MORC4: variants seen among roughly 807,000 people sequenced by gnomAD.
MORC4 encodes the protein MORC family CW-type zinc finger 4.
In MORC4, 22 loss-of-function variants were observed where a neutral mutation model predicts 65.5. The ratio of observed to expected loss-of-function variants is 0.34; its 90% confidence interval spans 0.24 to 0.48. The LOEUF is 0.48. MORC4 is among the 20% of genes least tolerant of loss of function. MORC4 has a pLI of 0.99. For synonymous variants in MORC4, 267 were observed against 255.8 expected (o/e 1.04, Z -0.42); for missense variants, 624 against 703.0 (o/e 0.89, Z 1.27).
In MORC4 at chrX:106,956,500, T is replaced by C. The variant is rs1234579325; in HGVS notation, c.1489A>G (p.Met497Val). 4 of 1,207,459 alleles carry C rather than the reference T, an allele frequency of 3.3e-6. No homozygotes were observed. The highest frequency in any genetic ancestry group is 3.4e-6 in the Non-Finnish European group (3 of 892,516). ...CTCACCTGGTGGTTCTCATTTTCCA[T>C]AGGCATCTTCTTCTTCTCCTCAACA... is the stretch of plus-strand genomic sequence containing the variant. ...QTVEEKKKMPMENENHQVFSN... is the reference protein window; with the variant it reads ...QTVEEKKKMPVENENHQVFSN... The change falls in exon 13 of 17, where the codon ATG becomes GTG. Residue 497 changes from methionine to valine, a missense_variant. Met to Val is a conservative substitution (Grantham distance 21). Transcript: ENST00000355610.
At position 106,994,831 on chromosome X, in the gene MORC4, G is replaced by A. The variant is rs781647544; in HGVS notation, c.176-1469C>T. ...CTAAGGGAAAGTTTATTTCATATGA[G>A]TGGCAGCCACTTTTTTGTGTTTTTA... is the stretch of plus-strand genomic sequence containing the variant. On this transcript the variant is annotated intron_variant, in intron 2 of 16. Coordinates refer to ENST00000355610, the MANE Select transcript of MORC4 (RefSeq NM_024657.5). Among the ~76,000 whole-genome samples, 3 of 109,818 alleles carry A rather than the reference G, an allele frequency of 2.7e-5. No homozygotes were observed. The East Asian group carries it at 8.6e-4, about 31-fold the overall frequency.
intron 14 of MORC4, among the ~76,000 whole-genome samples, chrX:106,951,983 G>A (rs777245336): frequency 9.3e-5 from 7 of 75,272 alleles, no homozygotes; most frequent in South Asian, 8.6e-4. Context: ...GTGACAGAGC[G>A]AGACTCTGCC....
At chrX:106,962,527 G>C (rs1297405595) in intron 9 of MORC4, among the ~76,000 whole-genome samples, 1 of 111,459 alleles carries the variant, frequency 9.0e-6, no homozygotes, top group Non-Finnish European at 1.9e-5. Flanking sequence ...TTCAGAACAA[G>C]GTAAAAATCA....
intron 9 of MORC4, among the ~76,000 whole-genome samples, chrX:106,968,872 C>A (rs1349826243): frequency 9.0e-6 from 1 of 110,617 alleles, no homozygotes; most frequent in Non-Finnish European, 1.9e-5. Flanking sequence ...GACTCCCACA[C>A]AATAATAATG....
chrX:106,974,121 G>C (rs978828083), intron 9 of MORC4, among the ~76,000 whole-genome samples: 1 of 111,756 alleles, frequency 8.9e-6, no homozygotes, highest in Non-Finnish European at 1.9e-5. Flanking sequence ...ATTTAGGAAT[G>C]ATGGTTCTAG....
chrX:106,944,973 A>G (rs1933788482), intron 14 of MORC4, among the ~76,000 whole-genome samples: 1 of 111,341 alleles, frequency 9.0e-6, no homozygotes, highest in Admixed American at 9.6e-5. Context: ...TCTATTCAAA[A>G]TCTTTATTTA....
At chrX:106,985,306 G>A (rs1165926259) in intron 4 of MORC4, 63 bp from the exon 5 acceptor site, 13 of 877,323 alleles carry the variant, frequency 1.5e-5, no homozygotes, top group Non-Finnish European at 2.0e-5. Flanking sequence ...AGGAAGATCT[G>A]CCCTTTGGAT....
chrX:106,983,902 T>C lies in MORC4; in HGVS notation c.674+1194A>G, dbSNP rs968913577. 5.4e-5 allele frequency among the ~76,000 whole-genome samples: 6 copies of C among 111,369 alleles called. No individual in the cohort carries two copies. In the East Asian group the frequency reaches 1.4e-3, roughly 26 times the overall value. ...AAAGCACTAACACAGAACTCCTTAT[T>C]TTTTAAAGATCTTATTGTGCTTTGT... On this transcript the variant is annotated intron_variant, in intron 5 of 16. Coordinates refer to ENST00000355610, the MANE Select transcript of MORC4 (RefSeq NM_024657.5).
At chrX:106,947,236 C>T (rs1478428557) in intron 14 of MORC4, among the ~76,000 whole-genome samples, 1 of 109,808 alleles carries the variant, frequency 9.1e-6, no homozygotes, top group African/African-American at 3.3e-5. Flanking sequence ...TTTAAATTCA[C>T]TGAGGTTTGT....
chrX:106,954,872 C>T, intron 14 of MORC4, 41 bp downstream of exon 14: 2 of 1,157,285 alleles, frequency 1.7e-6, no homozygotes, highest in Non-Finnish European at 2.3e-6. Context: ...AAAACAGACT[C>T]TAAAGCTTAC....
At chrX:106,957,546 T>A (rs905693720) in intron 11 of MORC4, among the ~76,000 whole-genome samples, 2 of 111,966 alleles carry the variant, frequency 1.8e-5, no homozygotes, top group African/African-American at 6.5e-5. Context: ...GTATTTATCC[T>A]GCCAGAAGAA....
chrX:106,963,205 T>C (rs1241244901), intron 9 of MORC4, among the ~76,000 whole-genome samples: 1 of 111,869 alleles, frequency 8.9e-6, no homozygotes, highest in Non-Finnish European at 1.9e-5. Context: ...AAGAAGTAGA[T>C]TAGATGGGCA....
At chrX:106,968,648 A>C (rs1375970477) in intron 9 of MORC4, among the ~76,000 whole-genome samples, 1 of 104,888 alleles carries the variant, frequency 9.5e-6, no homozygotes, top group Non-Finnish European at 2.0e-5. Flanking sequence ...AAAGCAAAAA[A>C]AAAAAAAAAA....
chrX:106,952,452 T>C (rs1221416515), intron 14 of MORC4, among the ~76,000 whole-genome samples: 4 of 112,633 alleles, frequency 3.6e-5, no homozygotes, highest in Admixed American at 2.8e-4. Flanking sequence ...GGATAACTGT[T>C]GTGTATGTGT....
Position 106,988,436 on chromosome X carries a change from T to C in MORC4, c.309-2236A>G, listed in dbSNP as rs767145224. ...TAGTAGTGCCAGGCCAGAACCAGAA[T>C]GGAAAAGGATAAGAATAACGAGAAG... On this transcript the variant is annotated intron_variant, in intron 3 of 16. Transcript: ENST00000355610. Among the ~76,000 whole-genome samples the C allele has an allele frequency of 1.3e-4, 14 of 111,681 alleles. No individual in the cohort carries two copies. In the South Asian group the frequency reaches 5.3e-3, roughly 42 times the overall value.
rs1933676429 is a variant in MORC4 at position 106,941,448 on chromosome X, TA to T, written c.*30del. ...GAGAGAAAAGAGAACAGACAGAAGA[TA>T]AGAGAAGAGAAGGGTATACAGTCTG... On this transcript the variant is annotated 3_prime_UTR_variant, in exon 17 of 17. Coordinates refer to ENST00000355610, the MANE Select transcript of MORC4 (RefSeq NM_024657.5). 5 of 1,118,214 alleles carry T rather than the reference TA, an allele frequency of 4.5e-6. No homozygotes were observed. The highest frequency in any genetic ancestry group is 6.0e-6 in the Non-Finnish European group (5 of 831,335). 92.2% of individuals were successfully genotyped at this position (1,118,214 alleles called of 1,213,427 possible).
Position 106,993,299 on chromosome X carries a change from T to C in MORC4, c.239A>G (p.Asn80Ser). The C allele has an allele frequency of 1.7e-6, 2 of 1,209,159 alleles. No homozygotes were observed. The highest frequency in any genetic ancestry group is 2.2e-6 in the Non-Finnish European group (2 of 892,950). The change falls in exon 3 of 17, where the codon AAT becomes AGT. Residue 80 changes from asparagine (N) to serine (S), a missense_variant. Transcript: ENST00000355610. ...TVFIDVEEVKNKSCLTFTDDG... is the reference protein window; with the variant it reads ...TVFIDVEEVKSKSCLTFTDDG... The stretch of plus-strand genomic sequence containing the variant: ...ATCGGTAAAGGTCAAACAAGATTTA[T>C]TCTTGACCTCCTCAACATCTATAAA...
intron 3 of MORC4, 82 bp downstream of exon 3, chrX:106,993,148 G>C: frequency 9.8e-7 from 1 of 1,019,283 alleles, no homozygotes; most frequent in African/African-American, 1.9e-5. Flanking sequence ...CAAAAGGAAA[G>C]CAAAATATTA....
intron 9 of MORC4, among the ~76,000 whole-genome samples, chrX:106,966,782 TG>T (rs1419823615): frequency 2.7e-4 from 30 of 112,209 alleles, no homozygotes; most frequent in Non-Finnish European, 4.9e-4. Flanking sequence ...ATGTTCACAG[TG>T]TATACAAAGC....
Sources: allele counts gnomAD v4.1 joint callset (sites outside exome capture counted in the v4.1 genomes callset), GRCh38; gene constraint gnomAD v4.1.1; transcripts MANE v1.5; gene names NCBI Gene and HGNC (gene_info 2026-07-23, HGNC 2026-07-21).